The following TSHZ3 variants were observed in gnomAD, a reference collection of about 807,000 sequenced individuals.
The protein encoded by TSHZ3 is teashirt zinc finger homeobox 3, also known as teashirt homolog 3.
In TSHZ3, 10 loss-of-function variants were observed where a neutral mutation model predicts 64.5. The ratio of observed to expected loss-of-function variants is 0.16; its 90% CI spans 0.10 to 0.26. TSHZ3 has a LOEUF of 0.26. TSHZ3 is among the 10% of genes least tolerant of loss of function. The probability of loss-of-function intolerance (pLI) is 1.00; values close to 1 mark genes in which losing one functional copy is unlikely to be tolerated. For missense variants in TSHZ3, 1,242 were observed against 1,421.7 expected (o/e 0.87, Z 2.03); for synonymous variants, 608 against 593.1 (o/e 1.03, Z -0.36).
intron 3 of TSHZ3, among the ~76,000 whole-genome samples, chr19:31,239,810 T>C (rs1975666060): frequency 6.6e-6 from 1 of 152,158 alleles, no homozygotes; most frequent in African/African-American, 2.4e-5. Flanking sequence ...CTTGGACTCC[T>C]GAGTTCAAGT....
chr19:31,212,025 A>G (rs1230324562), intron 4 of TSHZ3, among the ~76,000 whole-genome samples: 1 of 151,728 alleles, frequency 6.6e-6, no homozygotes, highest in Admixed American at 6.6e-5. Context: ...AATCCTTGAG[A>G]GCACTTTTAA....
intron 4 of TSHZ3, among the ~76,000 whole-genome samples, chr19:31,221,440 T>C (rs1738993715): frequency 6.6e-6 from 1 of 152,170 alleles, no homozygotes; most frequent in Middle Eastern, 3.2e-3. Flanking sequence ...TGTGCAGTTC[T>C]CCTTATGTCA....
chr19:31,207,991 G>A (rs1975208276), intron 4 of TSHZ3, among the ~76,000 whole-genome samples: 1 of 152,140 alleles, frequency 6.6e-6, no homozygotes, highest in African/African-American at 2.4e-5. Context: ...TATCATAAGT[G>A]CAACGAATGA....
chr19:31,218,147 T>C (rs1975356063), intron 4 of TSHZ3, among the ~76,000 whole-genome samples: 1 of 152,156 alleles, frequency 6.6e-6, no homozygotes, highest in African/African-American at 2.4e-5. Context: ...GCAAAGGATA[T>C]TATCTGAAAA....
chr19:31,235,171 G>A lies in TSHZ3; in HGVS notation n.551-7031C>T, dbSNP rs116778969. ...AACTAATTAACATACCCTTCACCTC[G>A]CACAATAAAATATTTTTCATGTGTG... On this transcript the variant is annotated intron_variant and non_coding_transcript_variant, in intron 3 of 6. Transcript: ENST00000651361. Among the ~76,000 whole-genome samples, 922 of 152,132 alleles carry A rather than the reference G, an allele frequency of 6.1e-3. 12 individuals carry two copies. The highest frequency in any genetic ancestry group is 0.021 in the African/African-American group (877 of 41,494).
At chr19:31,235,060 C>T (rs115685424) in intron 3 of TSHZ3, among the ~76,000 whole-genome samples, 121 of 152,112 alleles carry the variant, frequency 8.0e-4, no homozygotes, top group African/African-American at 2.7e-3. Flanking sequence ...CTGTGGTATA[C>T]GTTACAAATA....
chr19:31,301,382 G>T (rs531928407), intron 1 of TSHZ3, among the ~76,000 whole-genome samples: 1 of 152,182 alleles, frequency 6.6e-6, no homozygotes, highest in Non-Finnish European at 1.5e-5. Context: ...ATTTAACAGA[G>T]CAAATGACAG....
chr19:31,279,829 A>C lies in TSHZ3; in HGVS notation c.41-77T>G, dbSNP rs1296973291. 7.5e-7 allele frequency: 1 copy of C among 1,339,182 alleles called. No individual in the cohort carries two copies. The highest frequency in any genetic ancestry group is 1.4e-5 in the African/African-American group (1 of 69,022). 83.0% of individuals were successfully genotyped at this position (1,339,182 alleles called of 1,614,324 possible). On this transcript the variant is annotated intron_variant, in intron 1 of 1. Transcript: ENST00000240587. The surrounding 1 kb of genome is among the most constrained non-coding windows in gnomAD (Gnocchi z 6.4). ...GACAGGGAGAAGGAGAGAAAGAAAA[A>C]AAAAAGCATTAGTACTTGTTGATCT...
chr19:31,203,879 C>G (rs1167089968), intron 5 of TSHZ3, among the ~76,000 whole-genome samples: 2 of 151,846 alleles, frequency 1.3e-5, no homozygotes, highest in Non-Finnish European at 2.9e-5. Context: ...TGTTTTCACA[C>G]TGCTACAAAG....
chr19:31,292,004 G>A (rs1202888209), intron 1 of TSHZ3, among the ~76,000 whole-genome samples: 1 of 152,166 alleles, frequency 6.6e-6, no homozygotes, highest in African/African-American at 2.4e-5. Context: ...CTGCCTGTGG[G>A]TGCCGTATTC....
intron 5 of TSHZ3, among the ~76,000 whole-genome samples, chr19:31,203,208 A>G (rs1975112972): frequency 6.6e-6 from 1 of 152,308 alleles, no homozygotes; most frequent in East Asian, 1.9e-4. Flanking sequence ...GGGCATTCCC[A>G]GAAGAGGAAA....
Position 31,278,295 on chromosome 19 carries a change from T to G in TSHZ3, c.1498A>C (p.Ile500Leu). The G allele has an allele frequency of 6.2e-7, 1 of 1,614,240 alleles. No individual in the cohort carries two copies. The change falls in exon 2 of 2, where the codon ATC (isoleucine) becomes CTC (leucine). Residue 500 changes from isoleucine (I) to leucine (L), a missense_variant. By Grantham distance (5) the Ile-to-Leu change is conservative (BLOSUM62 2). Coordinates refer to ENST00000240587, the MANE Select transcript of TSHZ3 (RefSeq NM_020856.4). The surrounding 1 kb of genome is among the most constrained non-coding windows in gnomAD (Gnocchi z 4.7). Reference sequence around the variant, plus strand: ...GTCAAGTAATGGTATTTGGAAGAGATGTCACACTTCTCCTCTTCTTCGCCA... The same window carrying G: ...GTCAAGTAATGGTATTTGGAAGAGAGGTCACACTTCTCCTCTTCTTCGCCA... ...KPGEEEEKCD[I>L]SSKYHYLTEN...
chr19:31,321,823 T>C (rs1298301300), intron 1 of TSHZ3, among the ~76,000 whole-genome samples: 1 of 151,916 alleles, frequency 6.6e-6, no homozygotes. Context: ...TCCTTGAAGA[T>C]GTTTTTTCTT....
In TSHZ3 at chr19:31,298,209, G is replaced by A. The variant is rs113188404; in HGVS notation, c.41-18457C>T. 3.1e-3 allele frequency among the ~76,000 whole-genome samples: 476 copies of A among 152,112 alleles called. 2 individuals are homozygous for A. The highest frequency in any genetic ancestry group is 0.011 in the African/African-American group (451 of 41,488). Reference sequence around the variant, plus strand: ...CCCAGCTGATGTGTCACATGACCAAGAGCTTTGCTGTCCCCGCCATCCAAA... The same window carrying A: ...CCCAGCTGATGTGTCACATGACCAAAAGCTTTGCTGTCCCCGCCATCCAAA... On this transcript the variant is annotated intron_variant, in intron 1 of 1. Coordinates refer to ENST00000240587, the MANE Select transcript of TSHZ3 (RefSeq NM_020856.4).
intron 5 of TSHZ3, among the ~76,000 whole-genome samples, chr19:31,175,891 T>C (rs184906464): frequency 6.6e-6 from 1 of 152,330 alleles, no homozygotes; most frequent in African/African-American, 2.4e-5. Context: ...GCCCAGTACT[T>C]GGGAAGGTTC....
rs571257622 is a variant in TSHZ3 at position 31,298,923 on chromosome 19, G to A, written c.41-19171C>T. 3.3e-5 allele frequency among the ~76,000 whole-genome samples: 5 copies of A among 152,326 alleles called. No homozygotes were observed. In the East Asian group the frequency reaches 7.7e-4, roughly 24 times the overall value. ...AAAAGCGTGACACACAGCTGGGCAC[G>A]GTGGCTCATGCCTATAATCCCAGCA... is the stretch of plus-strand genomic sequence containing the variant. On this transcript the variant is annotated intron_variant, in intron 1 of 1. Coordinates refer to ENST00000240587, the MANE Select transcript of TSHZ3 (RefSeq NM_020856.4).
At chr19:31,350,030 G>C (rs1254643698), upstream of TSHZ3, among the ~76,000 whole-genome samples, 1 of 147,932 alleles carries the variant, frequency 6.8e-6, no homozygotes, top group African/African-American at 2.5e-5. Context: ...CCCGTCCCGG[G>C]GCGCTCGTTA....
At chr19:31,207,240 TG>T (rs1412412218) in intron 4 of TSHZ3, among the ~76,000 whole-genome samples, 1 of 152,230 alleles carries the variant, frequency 6.6e-6, no homozygotes, top group East Asian at 1.9e-4. Context: ...TACTTTACAA[TG>T]CTGATTAAAA....
chr19:31,255,615 C>A (rs771997002), intron 1 of TSHZ3, among the ~76,000 whole-genome samples: 3 of 152,152 alleles, frequency 2.0e-5, no homozygotes, highest in African/African-American at 4.8e-5. Flanking sequence ...GCTCCCCAAG[C>A]GGCTGTGTGT....
Sources: allele counts gnomAD v4.1 joint callset (sites outside exome capture counted in the v4.1 genomes callset), GRCh38; gene constraint gnomAD v4.1.1; non-coding constraint Gnocchi (gnomAD v3.1); transcripts MANE v1.5; gene names NCBI Gene and HGNC (gene_info 2026-07-23, HGNC 2026-07-21).